PALLD: variants seen among roughly 807,000 people sequenced by gnomAD.
The protein encoded by PALLD is palladin.
PALLD carries 61 observed loss-of-function variants against 123.5 expected under a neutral mutation model. The observed-to-expected ratio is 0.49, with a 90% CI of 0.40 to 0.61. The LOEUF is 0.61. PALLD is among the 20% of genes least tolerant of loss of function. PALLD has a pLI of 0.00. For synonymous variants in PALLD, 465 were observed against 496.4 expected (o/e 0.94, Z 0.84); for missense variants, 1,273 against 1,377.0 (o/e 0.92, Z 1.20).
Position 168,511,559 on chromosome 4 carries a change from G to A in PALLD, c.55G>A (p.Glu19Lys), listed in dbSNP as rs934174751. ...SFYDSLSDMQ[E>K]ESKNTDFFPG... ...CTATGACTCCCTCTCAGACATGCAGGAAGAAAGCAAGAATACTGACTTCTT... is the reference window on the plus strand; with the variant it reads ...CTATGACTCCCTCTCAGACATGCAGAAAGAAAGCAAGAATACTGACTTCTT... Residue 19 changes from glutamate (E) to lysine (K), a missense_variant, in exon 2 of 22, where the codon GAA becomes AAA. By Grantham distance (56) the Glu-to-Lys change is moderately conservative. Transcript: ENST00000505667. 3 of 1,613,998 alleles carry A rather than the reference G, an allele frequency of 1.9e-6. No homozygotes were observed. In the African/African-American group the frequency reaches 4.0e-5, roughly 22 times the overall value.
At chr4:168,833,413 T>C (rs1056424590) in intron 10 of PALLD, among the ~76,000 whole-genome samples, 3 of 152,056 alleles carry the variant, frequency 2.0e-5, no homozygotes, top group African/African-American at 7.2e-5. Flanking sequence ...TGGGAGTCTC[T>C]AGGAGCCAGA....
chr4:168,803,230 C>G (rs556029966), intron 10 of PALLD, among the ~76,000 whole-genome samples: 1 of 151,932 alleles, frequency 6.6e-6, no homozygotes, highest in Non-Finnish European at 1.5e-5. Flanking sequence ...ATCATACAGT[C>G]GTGGTGGAAG....
At chr4:168,719,528 A>G (rs773162936) in intron 10 of PALLD, among the ~76,000 whole-genome samples, 13 of 152,064 alleles carry the variant, frequency 8.5e-5, no homozygotes, top group Non-Finnish European at 1.6e-4. Flanking sequence ...CTCAAGTGCT[A>G]GGATTACAGG....
rs1184698947 is a variant in PALLD, at chr4:168,793,208, T to C, written c.1964+81285T>C. ...ATACATATATATGTGTGCATATATA[T>C]ACATATATATGTGTGCATATATATA... On this transcript the variant is annotated intron_variant, in intron 10 of 21. Transcript: ENST00000505667. Among the ~76,000 whole-genome samples, 19 of 73,288 alleles carry C rather than the reference T, an allele frequency of 2.6e-4. 1 individual carries two copies. The highest frequency in any genetic ancestry group is 4.7e-4 in the African/African-American group (9 of 19,326). 48.1% of individuals were successfully genotyped at this position (73,288 alleles called of 152,430 possible).
intron 10 of PALLD, among the ~76,000 whole-genome samples, chr4:168,736,755 A>G (rs1293035961): frequency 6.6e-6 from 1 of 152,148 alleles, no homozygotes; most frequent in African/African-American, 2.4e-5. Context: ...CTCCCACAAC[A>G]TGTTTTAAAA....
chr4:168,888,653 C>G (rs554027179), intron 10 of PALLD, among the ~76,000 whole-genome samples: 1 of 152,316 alleles, frequency 6.6e-6, no homozygotes, highest in Non-Finnish European at 1.5e-5. Context: ...CTACCCCCCA[C>G]TCCTCCAGTC....
chr4:168,783,044 ATATGTGTGTGTG>A (rs1351610979), intron 10 of PALLD, among the ~76,000 whole-genome samples: 43 of 82,182 alleles, frequency 5.2e-4, no homozygotes, highest in Admixed American at 2.2e-3. Context: ...TTTTATATAT[ATATGTGTGTGTG>A]TGTGTGTGTG....
At chr4:168,736,189 T>G (rs1787737860) in intron 10 of PALLD, among the ~76,000 whole-genome samples, 1 of 152,262 alleles carries the variant, frequency 6.6e-6, no homozygotes, top group South Asian at 2.1e-4. Context: ...TGGCCTCATT[T>G]TGTGAAAACA....
At chr4:168,864,427 C>T (rs1749965906) in intron 10 of PALLD, 1 of 152,322 alleles carries the variant, frequency 6.6e-6, no homozygotes, top group East Asian at 1.9e-4. Flanking sequence ...CTACTCTGGG[C>T]TCTGTTGGTG....
At chr4:168,889,782 T>C (rs928627605) in intron 10 of PALLD, among the ~76,000 whole-genome samples, 4 of 152,158 alleles carry the variant, frequency 2.6e-5, no homozygotes, top group Middle Eastern at 6.3e-3. Flanking sequence ...GGGCCCCAAC[T>C]CTGAATTTGT....
chr4:168,593,694 C>T (rs753159627), intron 2 of PALLD, among the ~76,000 whole-genome samples: 1 of 152,118 alleles, frequency 6.6e-6, no homozygotes, highest in South Asian at 2.1e-4. Flanking sequence ...AATTTTAAAA[C>T]GTAGTGAATT....
intron 2 of PALLD, among the ~76,000 whole-genome samples, chr4:168,629,083 C>T (rs1179089474): frequency 6.7e-6 from 1 of 149,768 alleles, no homozygotes; most frequent in African/African-American, 2.5e-5. Context: ...ATGACGCGAT[C>T]TCAGCTCACT....
intron 2 of PALLD, among the ~76,000 whole-genome samples, chr4:168,658,853 C>T (rs557803992): frequency 6.6e-6 from 1 of 152,096 alleles, no homozygotes; most frequent in Non-Finnish European, 1.5e-5. Context: ...TTCAAAAAGC[C>T]AATCTATTTA....
At chr4:168,505,813 A>G (rs1329445003) in intron 1 of PALLD, among the ~76,000 whole-genome samples, 1 of 152,194 alleles carries the variant, frequency 6.6e-6, no homozygotes, top group African/African-American at 2.4e-5. Flanking sequence ...TTGCCTTTAT[A>G]TGTGTTATAT....
intron 10 of PALLD, among the ~76,000 whole-genome samples, chr4:168,882,547 C>T (rs370000795): frequency 2.7e-5 from 4 of 149,302 alleles, no homozygotes; most frequent in Non-Finnish European, 4.5e-5. Context: ...AGATACAAGC[C>T]GCAATGTACT....
At position 168,916,000 on chromosome 4, in the gene PALLD, A is replaced by G; in HGVS notation, c.2823A>G (p.Glu941=). The G allele has an allele frequency of 6.2e-7, 1 of 1,614,038 alleles. No homozygotes were observed. Among genetic ancestry groups the G allele is most frequent in the African/African-American group, 1.3e-5 (1 of 75,058 alleles). Residue 941 remains glutamate, a synonymous_variant, in exon 17 of 22, where the codon GAA becomes GAG. Transcript: ENST00000505667. ...CTCCTGGAGATCTGACTGTTCAAGA[A>G]GGAAAACTCTGCAGAATGGACTGCA... ...LQAPGDLTVQ[E]GKLCRMDCKV... is the part of the protein sequence containing the mutation.
chr4:168,810,827 G>A (rs5024693), intron 10 of PALLD, among the ~76,000 whole-genome samples: 2,524 of 33,532 alleles, frequency 0.075, 142 homozygotes, highest in African/African-American at 0.11. Context: ...AAAAAAAAAA[G>A]AAAAAAAAAG....
chr4:168,795,009 G>A (rs1336912625), intron 10 of PALLD, among the ~76,000 whole-genome samples: 1 of 152,170 alleles, frequency 6.6e-6, no homozygotes, highest in Non-Finnish European at 1.5e-5. Flanking sequence ...TTGGCTTCCT[G>A]CTTCATAGAA....
intron 2 of PALLD, among the ~76,000 whole-genome samples, chr4:168,579,602 A>G (rs1055450977): frequency 1.5e-4 from 23 of 152,130 alleles, no homozygotes; most frequent in African/African-American, 4.3e-4. Context: ...AAGGAAAATT[A>G]ACAAATTAAA....
Sources: allele counts gnomAD v4.1 joint callset (sites outside exome capture counted in the v4.1 genomes callset), GRCh38; gene constraint gnomAD v4.1.1; transcripts MANE v1.5; gene names NCBI Gene and HGNC (gene_info 2026-07-23, HGNC 2026-07-21).